Variants in MCTP1 observed in about 807,000 individuals in gnomAD.
The protein encoded by MCTP1 is multiple C2 and transmembrane domain containing 1, also known as multiple C2 and transmembrane domain-containing protein 1.
In MCTP1, 69 loss-of-function variants were observed where a neutral mutation model predicts 120.6. The observed-to-expected ratio is 0.57, with a 90% CI of 0.47 to 0.70. MCTP1 has a LOEUF of 0.70. MCTP1 is among the 30% of genes least tolerant of loss of function. The pLI, the probability that MCTP1 is intolerant of heterozygous loss-of-function variation, is 0.00. For missense variants in MCTP1, 1,203 were observed against 1,248.8 expected (o/e 0.96, Z 0.55); for synonymous variants, 529 against 493.1 (o/e 1.07, Z -0.96).
At chr5:94,958,812 G>A (rs1823366415) in intron 2 of MCTP1, among the ~76,000 whole-genome samples, 1 of 152,100 alleles carries the variant, frequency 6.6e-6, no homozygotes, top group African/African-American at 2.4e-5. Flanking sequence ...ATGACCAGAT[G>A]GATTCACAGC....
intron 1 of MCTP1, among the ~76,000 whole-genome samples, chr5:95,076,020 A>G (rs1753460583): frequency 6.6e-6 from 1 of 152,176 alleles, no homozygotes; most frequent in South Asian, 2.1e-4. Flanking sequence ...AATATGTTAG[A>G]ACACCCCCAG....
chr5:95,176,791 C>T (rs1353044020), intron 1 of MCTP1, among the ~76,000 whole-genome samples: 2 of 151,904 alleles, frequency 1.3e-5, no homozygotes, highest in African/African-American at 2.4e-5. Context: ...CCTGGGAGAT[C>T]GAGGCTGCAG....
At chr5:94,995,344 T>C (rs1383980918) in intron 2 of MCTP1, among the ~76,000 whole-genome samples, 1 of 152,206 alleles carries the variant, frequency 6.6e-6, no homozygotes, top group Non-Finnish European at 1.5e-5. Flanking sequence ...GGTACCAAAC[T>C]TTGAGAATCA....
At chr5:94,819,231 C>A (rs1414281898) in intron 17 of MCTP1, among the ~76,000 whole-genome samples, 1 of 152,034 alleles carries the variant, frequency 6.6e-6, no homozygotes, top group East Asian at 1.9e-4. Flanking sequence ...TGGGTTCCAG[C>A]CATTCTTCTG....
intron 17 of MCTP1, among the ~76,000 whole-genome samples, chr5:94,839,502 C>T (rs531090312): frequency 2.0e-5 from 3 of 151,896 alleles, no homozygotes; most frequent in African/African-American, 4.8e-5. Context: ...ATTTTTTTCT[C>T]GGTAGTAATT....
intron 1 of MCTP1, among the ~76,000 whole-genome samples, chr5:95,028,946 G>C (rs1385956442): frequency 2.0e-5 from 3 of 152,132 alleles, no homozygotes; most frequent in African/African-American, 7.2e-5. Context: ...CGATCGTGAG[G>C]TCAGGAGTTC....
chr5:95,079,740 T>TATATTAAATATATTTA (rs1754448914), intron 1 of MCTP1, among the ~76,000 whole-genome samples: 1 of 151,954 alleles, frequency 6.6e-6, no homozygotes, highest in Non-Finnish European at 1.5e-5. Context: ...TTTATATTTT[T>TATATTAAATATATTTA]TATTAAAATA....
At chr5:95,123,851 A>G (rs1202374440) in intron 1 of MCTP1, among the ~76,000 whole-genome samples, 1 of 152,128 alleles carries the variant, frequency 6.6e-6, no homozygotes, top group East Asian at 1.9e-4. Flanking sequence ...GGGTTTCACC[A>G]TACTAGCCAG....
chr5:94,977,499 AC>A (rs1183285324), intron 2 of MCTP1, among the ~76,000 whole-genome samples: 1 of 152,022 alleles, frequency 6.6e-6, no homozygotes, highest in African/African-American at 2.4e-5. Flanking sequence ...ACCACAGATG[AC>A]CCCGAATAGT....
At chr5:94,790,128 G>A (rs996404886) in intron 18 of MCTP1, among the ~76,000 whole-genome samples, 1 of 152,174 alleles carries the variant, frequency 6.6e-6, no homozygotes, top group African/African-American at 2.4e-5. Flanking sequence ...TCTGTCTCTT[G>A]AGAGTGACCA....
At chr5:95,085,755 C>T (rs565656553) in intron 1 of MCTP1, among the ~76,000 whole-genome samples, 1 of 152,066 alleles carries the variant, frequency 6.6e-6, no homozygotes, top group South Asian at 2.1e-4. Flanking sequence ...TAAACGATCT[C>T]CAGAGATCCA....
intron 2 of MCTP1, among the ~76,000 whole-genome samples, chr5:94,956,164 G>A (rs1822559717): frequency 6.6e-6 from 1 of 152,224 alleles, no homozygotes; most frequent in Non-Finnish European, 1.5e-5. Flanking sequence ...TTGAACTGCA[G>A]AAGAGGGACC....
intron 18 of MCTP1, among the ~76,000 whole-genome samples, chr5:94,787,057 C>T (rs1054201097): frequency 6.6e-6 from 1 of 152,204 alleles, no homozygotes; most frequent in Non-Finnish European, 1.5e-5. Context: ...TCTTACCCGA[C>T]ATCCTGAGCG....
chr5:95,012,602 A>G (rs1382416398), intron 2 of MCTP1, among the ~76,000 whole-genome samples: 2 of 152,114 alleles, frequency 1.3e-5, no homozygotes, highest in Non-Finnish European at 2.9e-5. Flanking sequence ...CAACATTTCA[A>G]GCTTCTTCAT....
intron 12 of MCTP1, among the ~76,000 whole-genome samples, chr5:94,885,311 A>C (rs970846589): frequency 7.9e-5 from 12 of 151,804 alleles, no homozygotes; most frequent in Non-Finnish European, 1.8e-4. Context: ...GAAAAAAAAA[A>C]AAAACAGAGA....
chr5:95,118,663 G>C (rs528900686), intron 1 of MCTP1, among the ~76,000 whole-genome samples: 1 of 152,182 alleles, frequency 6.6e-6, no homozygotes, highest in Admixed American at 6.5e-5. Context: ...CCTATACACA[G>C]ACTGAAAGTA....
chr5:95,078,096 G>T (rs1303740723), intron 1 of MCTP1, among the ~76,000 whole-genome samples: 3 of 127,130 alleles, frequency 2.4e-5, no homozygotes, highest in South Asian at 5.2e-4. Flanking sequence ...AAACATGAAG[G>T]TTTGAAAGTT....
intron 19 of MCTP1, among the ~76,000 whole-genome samples, chr5:94,759,798 A>T (rs1770840629): frequency 6.6e-6 from 1 of 150,694 alleles, no homozygotes; most frequent in Non-Finnish European, 1.5e-5. Flanking sequence ...TTTTATGTAA[A>T]TTTTGTTTTC....
Position 94,706,722 on chromosome 5 carries a change from C to T in MCTP1, c.*774G>A, listed in dbSNP as rs1252279112. On this transcript the variant is annotated 3_prime_UTR_variant, in exon 23 of 23. Transcript: ENST00000515393. Reference sequence around the variant, plus strand: ...ACTGGGTTGCTAATTTGCTAACTAACTGTATAAATTAAAGTAGTGGTAGGT... The same window carrying T: ...ACTGGGTTGCTAATTTGCTAACTAATTGTATAAATTAAAGTAGTGGTAGGT... The T allele has an allele frequency of 1.3e-5, 2 of 151,618 alleles. No individual in the cohort carries two copies. Among genetic ancestry groups the T allele is most frequent in the Non-Finnish European group, 2.9e-5 (2 of 67,800 alleles). 9.4% of individuals were successfully genotyped at this position (151,618 alleles called of 1,614,324 possible). A position where few individuals can be genotyped will look rare whatever the true frequency, so the allele number is the denominator to read the frequency against.
Sources: gnomAD v4.1 joint callset for allele counts (sites outside exome capture counted in the v4.1 genomes callset) on GRCh38, gnomAD v4.1.1 for gene constraint, MANE v1.5 for transcripts, NCBI Gene and HGNC (gene_info 2026-07-23, HGNC 2026-07-21) for gene names.